ZFHX3: variants seen among roughly 807,000 people sequenced by gnomAD.
ZFHX3 encodes zinc finger homeobox 3, also known as zinc finger homeobox protein 3.
In ZFHX3, 42 loss-of-function variants were observed where a neutral mutation model predicts 279.1. That is an observed-to-expected ratio of 0.15 (90% CI 0.12 to 0.19). The LOEUF is 0.19. Ranked by LOEUF, ZFHX3 falls within the 10% of genes least tolerant of loss-of-function variation. The pLI is 1.00. For missense variants in ZFHX3, 4,981 were observed against 4,754.0 expected, an observed-to-expected ratio of 1.05 and a Z score of -1.40; for synonymous variants, 2,293 against 1,957.8, an observed-to-expected ratio of 1.17 and a Z score of -4.52.
intron 2 of ZFHX3, among the ~76,000 whole-genome samples, chr16:73,612,924 T>TTA (rs1567533089): frequency 6.6e-6 from 1 of 151,752 alleles, no homozygotes; most frequent in Non-Finnish European, 1.5e-5. Flanking sequence ...TTAGGATGGT[T>TTA]AAAAAAAGGA....
intron 2 of ZFHX3, among the ~76,000 whole-genome samples, chr16:73,677,642 T>A (rs945084094): frequency 8.6e-5 from 13 of 151,928 alleles, no homozygotes; most frequent in Admixed American, 2.6e-4. Context: ...TTTGTTTGCA[T>A]CTATAAAAAT....
intron 1 of ZFHX3, among the ~76,000 whole-genome samples, chr16:72,992,349 C>T (rs188441330): frequency 3.3e-5 from 5 of 152,278 alleles, no homozygotes; most frequent in Non-Finnish European, 7.4e-5. Flanking sequence ...CCTGCCTTCC[C>T]CCATTAATGC....
At chr16:73,474,080 T>A (rs963015617) in intron 2 of ZFHX3, among the ~76,000 whole-genome samples, 1 of 152,032 alleles carries the variant, frequency 6.6e-6, no homozygotes, top group Admixed American at 6.5e-5. Context: ...GAAACAAGAG[T>A]TGGAAACCAC....
intron 1 of ZFHX3, among the ~76,000 whole-genome samples, chr16:73,026,673 C>CAA (rs10561679): frequency 0.015 from 1,177 of 79,296 alleles, 44 homozygotes; most frequent in African/African-American, 0.036. Flanking sequence ...AAAACTGCCT[C>CAA]AAAAAAAAAA....
chr16:73,504,355 T>C (rs1482257003), intron 2 of ZFHX3: 17 of 152,174 alleles, frequency 1.1e-4, no homozygotes, highest in Non-Finnish European at 1.0e-4. Flanking sequence ...AAAACGTCAA[T>C]TGCAAGCCTC....
chr16:73,695,549 G>A (rs373317096), intron 1 of ZFHX3, among the ~76,000 whole-genome samples: 45 of 152,332 alleles, frequency 3.0e-4, no homozygotes, highest in Middle Eastern at 3.4e-3. Flanking sequence ...GTTTTCTGGC[G>A]TTGAGTCCAG....
chr16:73,222,034 A>G (rs1355143935), intron 5 of ZFHX3, among the ~76,000 whole-genome samples: 5 of 152,084 alleles, frequency 3.3e-5, no homozygotes, highest in Non-Finnish European at 4.4e-5. Flanking sequence ...ACATAACTCA[A>G]TGATGAACTC....
intron 5 of ZFHX3, among the ~76,000 whole-genome samples, chr16:73,179,091 T>G (rs2144876176): frequency 6.6e-6 from 1 of 152,362 alleles, no homozygotes; most frequent in East Asian, 1.9e-4. Flanking sequence ...CTACTGACCT[T>G]GTGGATACCT....
chr16:72,859,474 A>C (rs928123129), intron 4 of ZFHX3, among the ~76,000 whole-genome samples: 5 of 152,196 alleles, frequency 3.3e-5, no homozygotes, highest in African/African-American at 1.2e-4. Context: ...TTTTACAGCC[A>C]TGTTTAAAGT....
At chr16:73,157,544 C>T (rs1401079451) in intron 5 of ZFHX3, among the ~76,000 whole-genome samples, 1 of 148,720 alleles carries the variant, frequency 6.7e-6, no homozygotes, top group African/African-American at 2.5e-5. Context: ...TTTTCAGCTC[C>T]TCCTTAAAAA....
At chr16:73,853,789 C>A (rs1376715486) in intron 1 of ZFHX3, among the ~76,000 whole-genome samples, 1 of 151,974 alleles carries the variant, frequency 6.6e-6, no homozygotes, top group Non-Finnish European at 1.5e-5. Flanking sequence ...ATGCAATATG[C>A]CCACGTATCA....
chr16:73,565,810 G>T lies in ZFHX3; in HGVS notation c.-1546-109552C>A, dbSNP rs141354871. Among the ~76,000 whole-genome samples, 451 of 152,288 alleles carry T rather than the reference G, an allele frequency of 3.0e-3. 1 individual carries two copies. Among genetic ancestry groups the T allele is most frequent in the South Asian group, 4.4e-3 (21 of 4,820 alleles). ...TCTGCCAAGCTAGGGAGTTCTGAAT[G>T]CACCGATGCAACTTACATCCTGTGC... On this transcript the variant is annotated intron_variant, in intron 2 of 17. Coordinates refer to the ZFHX3 transcript ENST00000641206.
At chr16:72,824,503 A>G (rs547243750) in intron 5 of ZFHX3, among the ~76,000 whole-genome samples, 3 of 152,314 alleles carry the variant, frequency 2.0e-5, no homozygotes, top group Admixed American at 1.3e-4. Context: ...GGATTTTTGA[A>G]GCATTATTGT....
chr16:73,187,172 A>ACT (rs1224605035), intron 5 of ZFHX3, among the ~76,000 whole-genome samples: 1 of 151,472 alleles, frequency 6.6e-6, no homozygotes, highest in Non-Finnish European at 1.5e-5. Context: ...ACACACACAC[A>ACT]CTCACTCAGT....
chr16:73,505,466 G>A (rs1272011002), intron 2 of ZFHX3, among the ~76,000 whole-genome samples: 3 of 151,884 alleles, frequency 2.0e-5, no homozygotes, highest in South Asian at 2.1e-4. Context: ...AAAGTAAAGG[G>A]GCAATTCGTC....
At chr16:72,989,590 T>C (rs1962997444) in intron 1 of ZFHX3, among the ~76,000 whole-genome samples, 1 of 151,904 alleles carries the variant, frequency 6.6e-6, no homozygotes, top group South Asian at 2.1e-4. Context: ...AAGTCAACAA[T>C]CCTTCAGTTG....
At chr16:73,164,870 G>T (rs888953619) in intron 5 of ZFHX3, among the ~76,000 whole-genome samples, 8 of 152,110 alleles carry the variant, frequency 5.3e-5, no homozygotes, top group Non-Finnish European at 1.2e-4. Context: ...CACAGATGAG[G>T]CAAATGAGTT....
At chr16:73,712,231 A>T (rs546148864) in intron 1 of ZFHX3, among the ~76,000 whole-genome samples, 18 of 152,268 alleles carry the variant, frequency 1.2e-4, no homozygotes, top group Non-Finnish European at 2.4e-4. Context: ...TTTTAAAAAA[A>T]AACGAAGGCC....
chr16:73,840,977 C>A (rs909491579), intron 1 of ZFHX3, among the ~76,000 whole-genome samples: 1 of 152,054 alleles, frequency 6.6e-6, no homozygotes, highest in Non-Finnish European at 1.5e-5. Flanking sequence ...TGGCAGGACA[C>A]CAGGAAAAGC....
Sources: gnomAD v4.1 joint callset for allele counts (sites outside exome capture counted in the v4.1 genomes callset) on GRCh38, gnomAD v4.1.1 for gene constraint, MANE v1.5 for transcripts, NCBI Gene and HGNC (gene_info 2026-07-23, HGNC 2026-07-21) for gene names.